MLLT10: variants seen among roughly 807,000 people sequenced by gnomAD.
MLLT10 encodes protein AF-10.
A neutral mutation model predicts 129.1 loss-of-function variants in MLLT10; 30 were observed. The ratio of observed to expected loss-of-function variants is 0.23; its 90% CI spans 0.17 to 0.32. The LOEUF (loss-of-function observed/expected upper bound fraction) is 0.32, where lower values mean the gene tolerates loss of function less well. Among genes scored for constraint, MLLT10 ranks in the 10% least tolerant of loss-of-function variants. MLLT10 has a pLI of 1.00. For synonymous variants in MLLT10, 490 were observed against 446.4 expected (o/e 1.10, Z -1.23); for missense variants, 1,119 against 1,268.3 (o/e 0.88, Z 1.79).
chr10:21,717,789 T>TCTTCTTCTTCTG (rs2056811583), intron 14 of MLLT10, among the ~76,000 whole-genome samples: 1 of 47,910 alleles, frequency 2.1e-5, no homozygotes, highest in African/African-American at 6.7e-5. Context: ...TGCTTCTTCT[T>TCTTCTTCTTCTG]CTTCTTCTTC....
chr10:21,595,536 C>T (rs1051399868), intron 5 of MLLT10, 96 bp downstream of exon 5: 1 of 943,380 alleles, frequency 1.1e-6, no homozygotes. Flanking sequence ...TCCATCAAAT[C>T]CAGGGAGATT....
chr10:21,681,262 C>T, intron 11 of MLLT10, 70 bp from the exon 12 acceptor site: 1 of 1,589,368 alleles, frequency 6.3e-7, no homozygotes, highest in South Asian at 1.1e-5. Flanking sequence ...TTTTTCTGGC[C>T]TATCTCTTTT....
chr10:21,571,423 T>C (rs7100553), intron 3 of MLLT10, among the ~76,000 whole-genome samples: 4,253 of 152,308 alleles, frequency 0.028, 201 homozygotes, highest in African/African-American at 0.096. Flanking sequence ...TTGGGGAGAC[T>C]ACAGGCTCTG....
chr10:21,707,179 A>C (rs2055594737), intron 13 of MLLT10, among the ~76,000 whole-genome samples: 1 of 150,428 alleles, frequency 6.6e-6, no homozygotes. Context: ...TTTGTCATCA[A>C]GTTTAGATGA....
chr10:21,559,838 G>C (rs1313708584), intron 3 of MLLT10, among the ~76,000 whole-genome samples: 1 of 152,028 alleles, frequency 6.6e-6, no homozygotes, highest in Non-Finnish European at 1.5e-5. Context: ...ACCGTGTTTT[G>C]TTTATCCATT....
chr10:21,554,027 T>C (rs2037506619), intron 3 of MLLT10, among the ~76,000 whole-genome samples: 1 of 152,212 alleles, frequency 6.6e-6, no homozygotes, highest in South Asian at 2.1e-4. Context: ...CTGGTTATTC[T>C]GATACTCACG....
chr10:21,613,185 T>G (rs897816028), intron 6 of MLLT10, among the ~76,000 whole-genome samples: 2 of 108,052 alleles, frequency 1.9e-5, no homozygotes, highest in African/African-American at 7.5e-5. Context: ...AAACCAAGAC[T>G]CTGTCTCAAA....
At chr10:21,623,211 G>A (rs1313000958) in intron 8 of MLLT10, among the ~76,000 whole-genome samples, 1 of 152,142 alleles carries the variant, frequency 6.6e-6, no homozygotes, top group Non-Finnish European at 1.5e-5. Flanking sequence ...TTGGTCATTG[G>A]TGATTGAATT....
intron 7 of MLLT10, among the ~76,000 whole-genome samples, chr10:21,615,475 G>GAA (rs796530703): frequency 9.6e-6 from 1 of 104,294 alleles, no homozygotes; most frequent in Non-Finnish European, 2.2e-5. Context: ...AAAAAAAAAA[G>GAA]AAAAAAAAAA....
intron 4 of MLLT10, among the ~76,000 whole-genome samples, chr10:21,590,137 C>A (rs962920291): frequency 6.6e-6 from 1 of 152,034 alleles, no homozygotes; most frequent in Non-Finnish European, 1.5e-5. Context: ...CACGTCGTCT[C>A]ACTTTGTTGC....
At chr10:21,710,601 AT>A (rs1429019183) in intron 13 of MLLT10, among the ~76,000 whole-genome samples, 1 of 152,074 alleles carries the variant, frequency 6.6e-6, no homozygotes, top group African/African-American at 2.4e-5. Context: ...TCAGATCTGA[AT>A]TTCCTGCTGG....
rs887264514 is a variant in MLLT10, at chr10:21,695,871, A to G, written c.1699+13614A>G. Among the ~76,000 whole-genome samples the G allele has an allele frequency of 5.4e-5, 8 of 147,450 alleles. No individual in the cohort carries two copies. The East Asian group carries it at 1.4e-3, about 25-fold the overall frequency. On this transcript the variant is annotated intron_variant, in intron 13 of 22. Coordinates refer to ENST00000307729, the MANE Select transcript of MLLT10 (RefSeq NM_001195626.3). The stretch of plus-strand genomic sequence containing the variant: ...TCATATGGCAGACTTTTTACCTCCT[A>G]TCCAGAGCATAGACCAAATTGGACA...
At position 21,689,961 on chromosome 10, in the gene MLLT10, G is replaced by A. The variant is rs550276273; in HGVS notation, c.1699+7704G>A. 9.9e-5 allele frequency among the ~76,000 whole-genome samples: 15 copies of A among 152,006 alleles called. No homozygotes were observed. In the East Asian group the frequency reaches 2.9e-3, roughly 29 times the overall value. Reference sequence around the variant, plus strand: ...GATGTGTATTACCCAAGAAGAACTGGTAATGACAGTAGCTGGAAAGGATGG... The same window carrying A: ...GATGTGTATTACCCAAGAAGAACTGATAATGACAGTAGCTGGAAAGGATGG... On this transcript the variant is annotated intron_variant, in intron 13 of 22. Coordinates refer to ENST00000307729, the MANE Select transcript of MLLT10 (RefSeq NM_001195626.3).
intron 5 of MLLT10, among the ~76,000 whole-genome samples, chr10:21,596,413 A>G (rs1309237166): frequency 6.6e-6 from 1 of 152,068 alleles, no homozygotes; most frequent in Non-Finnish European, 1.5e-5. Context: ...TAATTAAGCA[A>G]CCCTTTGTGG....
intron 10 of MLLT10, 108 bp downstream of exon 10, chr10:21,670,812 A>T: frequency 8.1e-7 from 1 of 1,237,340 alleles, no homozygotes; most frequent in East Asian, 2.5e-5. Flanking sequence ...TGGATGTTCT[A>T]GATTATTATA....
At chr10:21,676,274 C>T (rs914088795) in intron 11 of MLLT10, among the ~76,000 whole-genome samples, 4 of 151,594 alleles carry the variant, frequency 2.6e-5, no homozygotes, top group South Asian at 2.1e-4. Context: ...AAAAGTAGCC[C>T]GGCATGGTGG....
intron 4 of MLLT10, among the ~76,000 whole-genome samples, chr10:21,594,029 T>C (rs552075131): frequency 1.7e-4 from 26 of 151,244 alleles, no homozygotes; most frequent in Admixed American, 3.3e-4. Context: ...TTGCATCTGC[T>C]TGGTGCCTTG....
At chr10:21,703,612 T>G (rs1455756579) in intron 13 of MLLT10, among the ~76,000 whole-genome samples, 2 of 152,096 alleles carry the variant, frequency 1.3e-5, no homozygotes, top group East Asian at 1.9e-4. Flanking sequence ...TGGCGCGATC[T>G]CCGCTCACTG....
intron 8 of MLLT10, among the ~76,000 whole-genome samples, chr10:21,640,101 T>C (rs941634873): frequency 6.0e-5 from 9 of 150,164 alleles, no homozygotes; most frequent in Non-Finnish European, 1.2e-4. Flanking sequence ...ACTTAAAAAA[T>C]GGCAAGGACT....
Sources: allele counts gnomAD v4.1 joint callset (sites outside exome capture counted in the v4.1 genomes callset), GRCh38; gene constraint gnomAD v4.1.1; transcripts MANE v1.5; gene names NCBI Gene and HGNC (gene_info 2026-07-23, HGNC 2026-07-21).